The following SPINK2 variants were observed in gnomAD, a reference collection of about 807,000 sequenced individuals.
The protein encoded by SPINK2 is serine protease inhibitor Kazal-type 2.
A neutral mutation model predicts 13.5 loss-of-function variants in SPINK2; 8 were observed. That is an observed-to-expected ratio of 0.59 (90% CI 0.35 to 1.07). The LOEUF (loss-of-function observed/expected upper bound fraction) is 1.07, where lower values mean the gene tolerates loss of function less well. Among genes scored for constraint, SPINK2 ranks in the 50% least tolerant of loss-of-function variants. SPINK2 has a pLI of 0.02. For missense variants in SPINK2, 148 were observed against 180.3 expected (o/e 0.82, Z 1.03); for synonymous variants, 76 against 74.7 (o/e 1.02, Z -0.09).
At chr4:56,821,753 G>A, upstream of SPINK2, 2 of 1,304,058 alleles carry the variant, frequency 1.5e-6, no homozygotes, top group Non-Finnish European at 1.0e-6. Context: ...GGGAGGGCGG[G>A]GGAAGGGGCG....
chr4:56,813,924 T>C (rs1267442847), intron 2 of SPINK2, among the ~76,000 whole-genome samples: 1 of 143,224 alleles, frequency 7.0e-6, no homozygotes. Context: ...TGGCCCTTTT[T>C]TTTTTTTTTT....
At chr4:56,812,563 CAA>C (rs57162077) in intron 2 of SPINK2, among the ~76,000 whole-genome samples, 70 of 16,352 alleles carry the variant, frequency 4.3e-3, no homozygotes, top group Middle Eastern at 0.056. Flanking sequence ...AACTCCATCT[CAA>C]AAAAAAAAAA....
chr4:56,815,784 A>ACACACG (rs1717396206), intron 2 of SPINK2, among the ~76,000 whole-genome samples: 1 of 151,636 alleles, frequency 6.6e-6, no homozygotes, highest in Non-Finnish European at 1.5e-5. Flanking sequence ...ACACACACAC[A>ACACACG]CACACACACA....
chr4:56,812,563 CAAAAAAAAAAA>C (rs57162077), intron 2 of SPINK2, among the ~76,000 whole-genome samples: 2 of 16,366 alleles, frequency 1.2e-4, no homozygotes, highest in African/African-American at 1.9e-4. Context: ...AACTCCATCT[CAAAAAAAAAAA>C]AAAAAAAAAA....
At chr4:56,813,762 C>T (rs977076401) in intron 2 of SPINK2, among the ~76,000 whole-genome samples, 6 of 151,618 alleles carry the variant, frequency 4.0e-5, no homozygotes, top group East Asian at 1.9e-4. Flanking sequence ...GTATTACAGG[C>T]GCATGCCACC....
intron 2 of SPINK2, among the ~76,000 whole-genome samples, chr4:56,812,537 T>C (rs1274246797): frequency 8.9e-6 from 1 of 112,354 alleles, no homozygotes; most frequent in African/African-American, 3.5e-5. Context: ...CCCTCCAACC[T>C]GGGCAACGAG....
intron 2 of SPINK2, among the ~76,000 whole-genome samples, chr4:56,819,152 G>T (rs1717710323): frequency 6.6e-6 from 1 of 152,140 alleles, no homozygotes; most frequent in African/African-American, 2.4e-5. Flanking sequence ...CACTGGTGTG[G>T]CATGTAGGTA....
intron 1 of SPINK2, chr4:56,821,180 G>C (rs1258274652): frequency 5.0e-6 from 2 of 401,810 alleles, no homozygotes; most frequent in Non-Finnish European, 6.7e-6. Flanking sequence ...TAAGATGTGA[G>C]CATTTTAACT....
intron 1 of SPINK2, 61 bp downstream of exon 1, chr4:56,821,397 C>T: frequency 6.9e-7 from 1 of 1,448,178 alleles, no homozygotes; most frequent in Admixed American, 2.6e-5. Context: ...CAAGCAAGAA[C>T]TAAAGAGGGT....
chr4:56,821,477 A>AC lies in SPINK2; in HGVS notation c.185dup (p.Ser63PhefsTer20), dbSNP rs1717928868. On this transcript the variant is annotated frameshift_variant, in exon 1 of 4. Coordinates refer to ENST00000506738, the MANE Select transcript of SPINK2 (RefSeq NM_001271718.2). LOFTEE classifies it high-confidence loss of function. Reference sequence around the variant, plus strand: ...CTCCACCTGGCAGGTCCTCTGGGGAACCGCCAGTAACGGGCGCGCGGGTAC... The same window carrying AC: ...CTCCACCTGGCAGGTCCTCTGGGGAACCCGCCAGTAACGGGCGCGCGGGTAC... The AC allele has an allele frequency of 2.0e-6, 3 of 1,529,992 alleles. No homozygotes were observed. Among genetic ancestry groups the AC allele is most frequent in the Non-Finnish European group, 2.6e-6 (3 of 1,143,072 alleles). 94.8% of individuals were successfully genotyped at this position (1,529,992 alleles called of 1,614,324 possible). A position where few individuals can be genotyped will look rare whatever the true frequency, so the allele number is the denominator to read the frequency against.
In SPINK2 at chr4:56,819,456, C is replaced by T. The variant is rs532189981; in HGVS notation, c.249+1080G>A. ...TGACCCACAACCTGCAGCATCCTGT[C>T]CAGGAACCCAAACCATTATTTAGAA... On this transcript the variant is annotated intron_variant, in intron 2 of 3. Transcript: ENST00000506738. 5.3e-5 allele frequency among the ~76,000 whole-genome samples: 8 copies of T among 152,278 alleles called. No homozygotes were observed. In the South Asian group the frequency reaches 1.2e-3, roughly 24 times the overall value.
chr4:56,820,935 G>A (rs545763770), intron 1 of SPINK2, among the ~76,000 whole-genome samples: 1 of 152,268 alleles, frequency 6.6e-6, no homozygotes, highest in East Asian at 1.9e-4. Context: ...AATAACATTT[G>A]GTTCTGTTCC....
intron 2 of SPINK2, among the ~76,000 whole-genome samples, chr4:56,819,938 C>T (rs1717795618): frequency 6.6e-6 from 1 of 152,066 alleles, no homozygotes; most frequent in Non-Finnish European, 1.5e-5. Context: ...GATTTGATTA[C>T]TAACTGACAG....
chr4:56,818,140 G>T (rs957384522), intron 2 of SPINK2: 1 of 152,146 alleles, frequency 6.6e-6, no homozygotes, highest in Admixed American at 6.6e-5. Flanking sequence ...GATAATGGGC[G>T]TCCTAAATTA....
At position 56,820,548 on chromosome 4, in the gene SPINK2, T is replaced by C. The variant is rs1043615188; in HGVS notation, c.237A>G (p.Ser79=). Residue 79 remains serine (S), a synonymous_variant, in exon 2 of 4, where the codon TCA becomes TCG. Transcript: ENST00000506738. The stretch of plus-strand genomic sequence containing the variant: ...GTTTGCTACTTACCGTTCTATATTT[T>C]GAAAACAGACCAAATTGAGGGATCA... ...ASLIPQFGLF[S]KYRTPNCSQY... 2.5e-6 allele frequency: 4 copies of C among 1,611,462 alleles called. No individual in the cohort carries two copies. Among genetic ancestry groups the C allele is most frequent in the Admixed American group, 1.7e-5 (1 of 60,014 alleles).
At chr4:56,820,730 C>A in intron 1 of SPINK2, 151 bp from the exon 2 acceptor site, 1 of 614,220 alleles carries the variant, frequency 1.6e-6, no homozygotes, top group Non-Finnish European at 2.9e-6. Flanking sequence ...CTAGGCCTCC[C>A]AAAGTGCTGG....
chr4:56,809,960 CT>C lies in SPINK2; in HGVS notation c.*178del. ...GAGCAAAAGCCAAGAAACAAGGATT[CT>C]TTTTTTCTTTAAATTATCCATCACT... On this transcript the variant is annotated 3_prime_UTR_variant, in exon 4 of 4. Transcript: ENST00000506738. The C allele has an allele frequency of 3.4e-6, 5 of 1,466,832 alleles. No individual in the cohort carries two copies. The allele number at this position is 1,466,832 out of a possible 1,614,324, so 90.9% of individuals were successfully genotyped here. A position where few individuals can be genotyped will look rare whatever the true frequency, so the allele number is the denominator to read the frequency against.
At chr4:56,819,182 G>T (rs1195409367) in intron 2 of SPINK2, among the ~76,000 whole-genome samples, 1 of 152,170 alleles carries the variant, frequency 6.6e-6, no homozygotes, top group Non-Finnish European at 1.5e-5. Context: ...TTATTATTAT[G>T]ATGGTGATGA....
intron 2 of SPINK2, among the ~76,000 whole-genome samples, chr4:56,812,494 G>A (rs1337468243): frequency 6.8e-6 from 1 of 147,540 alleles, no homozygotes; most frequent in African/African-American, 2.5e-5. Flanking sequence ...GGCAGAGGAT[G>A]CGGTGAGCCG....
Sources: allele counts gnomAD v4.1 joint callset (sites outside exome capture counted in the v4.1 genomes callset), GRCh38; gene constraint gnomAD v4.1.1; transcripts MANE v1.5; gene names NCBI Gene and HGNC (gene_info 2026-07-23, HGNC 2026-07-21).